FAM107B: variants seen among roughly 807,000 people sequenced by gnomAD.
The protein encoded by FAM107B is protein FAM107B.
Under a neutral mutation model 31.5 loss-of-function variants are expected in FAM107B, and 21 were observed. The observed-to-expected ratio is 0.67, with a 90% CI of 0.47 to 0.96. FAM107B has a LOEUF of 0.96. Among genes scored for constraint, FAM107B ranks in the 40% least tolerant of loss-of-function variants. The probability of loss-of-function intolerance (pLI) is 0.00; values close to 1 mark genes in which losing one functional copy is unlikely to be tolerated. For synonymous variants in FAM107B, 157 were observed against 141.5 expected (o/e 1.11, Z -0.78); for missense variants, 452 against 377.1 (o/e 1.20, Z -1.64).
At chr10:14,615,393 G>A (rs1018909962) in intron 2 of FAM107B, among the ~76,000 whole-genome samples, 1 of 152,164 alleles carries the variant, frequency 6.6e-6, no homozygotes, top group African/African-American at 2.4e-5. Context: ...GATCTTGTAG[G>A]GAGAGAATTA....
intron 2 of FAM107B, among the ~76,000 whole-genome samples, chr10:14,643,682 T>C (rs1853684783): frequency 6.6e-6 from 1 of 152,158 alleles, no homozygotes; most frequent in Non-Finnish European, 1.5e-5. Flanking sequence ...AGTGCTGGGA[T>C]TACAGGCGTG....
intron 1 of FAM107B, among the ~76,000 whole-genome samples, chr10:14,736,388 T>C (rs1360170829): frequency 6.6e-6 from 1 of 152,228 alleles, no homozygotes; most frequent in African/African-American, 2.4e-5. Context: ...AGCCTATTTA[T>C]AGCAGACCTC....
intron 1 of FAM107B, among the ~76,000 whole-genome samples, chr10:14,755,215 C>A (rs796998950): frequency 5.9e-5 from 9 of 152,150 alleles, no homozygotes; most frequent in African/African-American, 2.2e-4. Flanking sequence ...ATTCAAGGGT[C>A]CTGGAGAAAT....
intron 1 of FAM107B, among the ~76,000 whole-genome samples, chr10:14,741,259 G>A (rs1588746965): frequency 6.6e-6 from 1 of 152,150 alleles, no homozygotes; most frequent in Admixed American, 6.5e-5. Flanking sequence ...TCAGGAAACA[G>A]GTAAAACCAG....
intron 1 of FAM107B, among the ~76,000 whole-genome samples, chr10:14,751,074 T>C (rs928295109): frequency 2.0e-5 from 3 of 152,190 alleles, no homozygotes; most frequent in African/African-American, 4.8e-5. Context: ...CCATGTGCTG[T>C]TGACATCCGC....
At chr10:14,642,980 T>C (rs1853666059) in intron 2 of FAM107B, among the ~76,000 whole-genome samples, 1 of 152,200 alleles carries the variant, frequency 6.6e-6, no homozygotes, top group South Asian at 2.1e-4. Flanking sequence ...TCTTCCAGCC[T>C]CTACCCATTA....
chr10:14,635,498 C>G (rs2131424497), intron 2 of FAM107B, among the ~76,000 whole-genome samples: 1 of 152,298 alleles, frequency 6.6e-6, no homozygotes, highest in Non-Finnish European at 1.5e-5. Flanking sequence ...AGGGATATCC[C>G]TTCTTGCACT....
At chr10:14,693,060 T>C (rs1280681783) in intron 1 of FAM107B, among the ~76,000 whole-genome samples, 2 of 152,228 alleles carry the variant, frequency 1.3e-5, no homozygotes, top group Admixed American at 6.5e-5. Flanking sequence ...AACCCAGCCA[T>C]GGTAAATGAC....
chr10:14,556,058 A>G (rs1849673574), intron 2 of FAM107B: 1 of 152,346 alleles, frequency 6.6e-6, no homozygotes, highest in African/African-American at 2.4e-5. Flanking sequence ...GAGCCCTAGG[A>G]CACCTCTGAT....
At chr10:14,703,339 T>C (rs969377556) in intron 1 of FAM107B, among the ~76,000 whole-genome samples, 6 of 151,120 alleles carry the variant, frequency 4.0e-5, no homozygotes, top group Non-Finnish European at 5.9e-5. Context: ...TTTTTTTTTT[T>C]TTTTTCTGAG....
intron 2 of FAM107B, among the ~76,000 whole-genome samples, chr10:14,563,142 TTTG>T: frequency 6.6e-6 from 1 of 152,334 alleles, no homozygotes; most frequent in South Asian, 2.1e-4. Flanking sequence ...AAAACAGATC[TTTG>T]TTACCACTCA....
At chr10:14,569,734 C>G (rs1251687885) in intron 2 of FAM107B, among the ~76,000 whole-genome samples, 1 of 152,190 alleles carries the variant, frequency 6.6e-6, no homozygotes, top group Admixed American at 6.5e-5. Context: ...GTTCCTCTGT[C>G]TCTTCTCTGA....
chr10:14,723,298 C>A (rs1855956048), intron 1 of FAM107B: 11 of 539,800 alleles, frequency 2.0e-5, no homozygotes, highest in Non-Finnish European at 3.7e-5. Context: ...CAGAGGGTAT[C>A]TGCACACCTT....
chr10:14,674,327 G>A (rs896525084), intron 1 of FAM107B, among the ~76,000 whole-genome samples: 15 of 152,222 alleles, frequency 9.9e-5, no homozygotes, highest in African/African-American at 3.1e-4. Context: ...CAATTTGGGA[G>A]AAAATATTTG....
At chr10:14,693,708 C>G (rs189262460) in intron 1 of FAM107B, among the ~76,000 whole-genome samples, 1 of 152,018 alleles carries the variant, frequency 6.6e-6, no homozygotes, top group Non-Finnish European at 1.5e-5. Flanking sequence ...ACATGTTATC[C>G]TACGTATCTG....
chr10:14,548,965 CA>C (rs1479156890), intron 2 of FAM107B, among the ~76,000 whole-genome samples: 3 of 152,172 alleles, frequency 2.0e-5, no homozygotes, highest in African/African-American at 7.2e-5. Flanking sequence ...CATGAGGCTG[CA>C]GCCCACATGA....
chr10:14,667,134 A>G (rs1854422001), intron 2 of FAM107B, among the ~76,000 whole-genome samples: 1 of 152,216 alleles, frequency 6.6e-6, no homozygotes, highest in African/African-American at 2.4e-5. Context: ...ACAGTCATAA[A>G]CTAAGTTATA....
intron 1 of FAM107B, among the ~76,000 whole-genome samples, chr10:14,712,103 C>A (rs1163260713): frequency 1.3e-5 from 2 of 152,148 alleles, no homozygotes; most frequent in Non-Finnish European, 2.9e-5. Context: ...GGACTTTCAA[C>A]CCTAAGCAGT....
chr10:14,579,549 C>G (rs1169070368), intron 2 of FAM107B, among the ~76,000 whole-genome samples: 1 of 152,186 alleles, frequency 6.6e-6, no homozygotes, highest in Non-Finnish European at 1.5e-5. Flanking sequence ...TGGGCTTTAT[C>G]AAGCAAAGAA....
Sources: gnomAD v4.1 joint callset for allele counts (sites outside exome capture counted in the v4.1 genomes callset) on GRCh38, gnomAD v4.1.1 for gene constraint, MANE v1.5 for transcripts, NCBI Gene and HGNC (gene_info 2026-07-23, HGNC 2026-07-21) for gene names.